The following LHFPL3 variants were observed in gnomAD, a reference collection of about 807,000 sequenced individuals.
LHFPL3 encodes the protein LHFPL tetraspan subfamily member 3 protein.
In LHFPL3, 5 loss-of-function variants were observed where a neutral mutation model predicts 19.3. The ratio of observed to expected loss-of-function variants is 0.26; its 90% confidence interval spans 0.14 to 0.54. LHFPL3 has a LOEUF of 0.54. LHFPL3 is among the 20% of genes least tolerant of loss of function. LHFPL3 has a pLI of 0.94. For synonymous variants in LHFPL3, 133 were observed against 126.2 expected, an observed-to-expected ratio of 1.05 and a Z score of -0.36; for missense variants, 249 against 307.4, an observed-to-expected ratio of 0.81 and a Z score of 1.42.
chr7:104,368,439 C>G (rs761251703), intron 1 of LHFPL3, among the ~76,000 whole-genome samples: 1 of 152,150 alleles, frequency 6.6e-6, no homozygotes, highest in South Asian at 2.1e-4. Flanking sequence ...CAGGTCAAGG[C>G]AACATGCTTG....
intron 1 of LHFPL3, among the ~76,000 whole-genome samples, chr7:104,412,931 T>C (rs1791559197): frequency 6.6e-6 from 1 of 152,178 alleles, no homozygotes; most frequent in Admixed American, 6.5e-5. Context: ...GCATGCCTGT[T>C]TACAAGGAAA....
intron 1 of LHFPL3, among the ~76,000 whole-genome samples, chr7:104,457,314 C>T (rs907441410): frequency 6.6e-6 from 1 of 151,118 alleles, no homozygotes; most frequent in South Asian, 2.1e-4. Context: ...GTTCCCCTTC[C>T]TGTGTCCATG....
chr7:104,791,629 A>G (rs1584536083), intron 2 of LHFPL3, among the ~76,000 whole-genome samples: 1 of 152,096 alleles, frequency 6.6e-6, no homozygotes, highest in Admixed American at 6.6e-5. Context: ...ATCTCCCAGA[A>G]CCAGCTGGAA....
chr7:104,786,138 T>C (rs1789906604), intron 2 of LHFPL3, among the ~76,000 whole-genome samples: 1 of 152,172 alleles, frequency 6.6e-6, no homozygotes, highest in Admixed American at 6.5e-5. Context: ...GCCACACAGC[T>C]ATGATGCAAA....
At position 104,771,816 on chromosome 7, in the gene LHFPL3, C is replaced by CTTTT. The variant is rs71155523; in HGVS notation, c.682+34928_682+34931dup. Among the ~76,000 whole-genome samples the CTTTT allele has an allele frequency of 1.1e-4, 8 of 75,434 alleles. No homozygotes were observed. The East Asian group carries it at 1.1e-3, about 11-fold the overall frequency. 49.5% of individuals were successfully genotyped at this position (75,434 alleles called of 152,430 possible). ...ACTTATTAATTTTTCTTTTGCCTCT[C>CTTTT]TTTTTTTTTTTTTTTTTTTTTTTTT... On this transcript the variant is annotated intron_variant, in intron 2 of 2. Transcript: ENST00000424859.
At chr7:104,618,782 A>G (rs1036001045) in intron 1 of LHFPL3, among the ~76,000 whole-genome samples, 1 of 152,228 alleles carries the variant, frequency 6.6e-6, no homozygotes, top group African/African-American at 2.4e-5. Flanking sequence ...TGAAAAAACA[A>G]TAAGATCCAG....
intron 2 of LHFPL3, among the ~76,000 whole-genome samples, chr7:104,823,900 C>A (rs971754995): frequency 3.3e-5 from 5 of 151,758 alleles, no homozygotes; most frequent in Non-Finnish European, 5.9e-5. Flanking sequence ...AATCCCAGCA[C>A]TTTGGGAGGC....
intron 1 of LHFPL3, among the ~76,000 whole-genome samples, chr7:104,459,115 G>T (rs938761471): frequency 2.0e-5 from 3 of 152,190 alleles, no homozygotes; most frequent in African/African-American, 4.8e-5. Context: ...TTGATTTCCT[G>T]CAGTTACTAA....
At chr7:104,368,382 T>A (rs901579965) in intron 1 of LHFPL3, among the ~76,000 whole-genome samples, 9 of 152,106 alleles carry the variant, frequency 5.9e-5, no homozygotes, top group Non-Finnish European at 1.2e-4. Flanking sequence ...ACGGTTCAGT[T>A]TGAGACTTTT....
At chr7:104,819,828 AT>A (rs1370192354) in intron 2 of LHFPL3, among the ~76,000 whole-genome samples, 1 of 152,192 alleles carries the variant, frequency 6.6e-6, no homozygotes, top group African/African-American at 2.4e-5. Context: ...CACATGGACA[AT>A]TTATCAAGGC....
chr7:104,860,857 C>A (rs375762239), intron 2 of LHFPL3, among the ~76,000 whole-genome samples: 2 of 152,130 alleles, frequency 1.3e-5, no homozygotes, highest in African/African-American at 4.8e-5. Context: ...GACAGGGACA[C>A]ATAGAGTGTG....
At chr7:104,617,829 A>G (rs1202301721) in intron 1 of LHFPL3, among the ~76,000 whole-genome samples, 1 of 152,228 alleles carries the variant, frequency 6.6e-6, no homozygotes. Context: ...ATGTTTGTGT[A>G]TCTAGAGAAA....
chr7:104,859,661 C>A (rs1047720904), intron 2 of LHFPL3, among the ~76,000 whole-genome samples: 11 of 151,922 alleles, frequency 7.2e-5, no homozygotes, highest in Non-Finnish European at 1.0e-4. Context: ...AGAGGAAGAC[C>A]CCATCTCAAA....
At chr7:104,496,077 T>C (rs1242473103) in intron 1 of LHFPL3, among the ~76,000 whole-genome samples, 1 of 152,152 alleles carries the variant, frequency 6.6e-6, no homozygotes, top group Non-Finnish European at 1.5e-5. Context: ...CATTAACTCG[T>C]CATTTAGCAT....
At chr7:104,719,193 T>G (rs1793442977) in intron 1 of LHFPL3, among the ~76,000 whole-genome samples, 1 of 152,184 alleles carries the variant, frequency 6.6e-6, no homozygotes, top group African/African-American at 2.4e-5. Context: ...CCTAATTGAT[T>G]CATATCTTTA....
chr7:104,422,362 AAACAAC>A (rs139661329), intron 1 of LHFPL3, among the ~76,000 whole-genome samples: 3 of 151,582 alleles, frequency 2.0e-5, no homozygotes, highest in Admixed American at 6.6e-5. Flanking sequence ...CTCTGTCTCA[AAACAAC>A]AACAACAACA....
At chr7:104,646,366 A>G (rs758056476) in intron 1 of LHFPL3, among the ~76,000 whole-genome samples, 1 of 152,224 alleles carries the variant, frequency 6.6e-6, no homozygotes, top group African/African-American at 2.4e-5. Flanking sequence ...CGCTATTAAC[A>G]TTCTTTAAGC....
At chr7:104,888,100 C>A (rs1457056909) in intron 2 of LHFPL3, among the ~76,000 whole-genome samples, 3 of 152,146 alleles carry the variant, frequency 2.0e-5, no homozygotes, top group Admixed American at 1.3e-4. Flanking sequence ...AAGAACCTCA[C>A]ATACATGTAC....
chr7:104,391,485 A>G (rs529903393), intron 1 of LHFPL3, among the ~76,000 whole-genome samples: 47 of 152,328 alleles, frequency 3.1e-4, no homozygotes, highest in Non-Finnish European at 6.8e-4. Context: ...GTCAAAGATC[A>G]GATGGCTATA....
Sources: gnomAD v4.1 joint callset for allele counts (sites outside exome capture counted in the v4.1 genomes callset) on GRCh38, gnomAD v4.1.1 for gene constraint, MANE v1.5 for transcripts, NCBI Gene and HGNC (gene_info 2026-07-23, HGNC 2026-07-21) for gene names.